Variants in CPLX1 observed in about 807,000 individuals in gnomAD.
CPLX1 encodes the protein complexin-1.
Under a neutral mutation model 15.6 loss-of-function variants are expected in CPLX1, and 6 were observed. The observed-to-expected ratio is 0.39, with a 90% CI of 0.21 to 0.76. The LOEUF is 0.76. Among genes scored for constraint, CPLX1 ranks in the 30% least tolerant of loss-of-function variants. The probability of loss-of-function intolerance (pLI) is 0.43; values close to 1 mark genes in which losing one functional copy is unlikely to be tolerated. For missense variants in CPLX1, 242 were observed against 188.6 expected, an observed-to-expected ratio of 1.28 and a Z score of -1.66; for synonymous variants, 91 against 75.2, an observed-to-expected ratio of 1.21 and a Z score of -1.08.
intron 2 of CPLX1, among the ~76,000 whole-genome samples, chr4:808,911 G>GA (rs547838589): frequency 2.4e-4 from 36 of 152,250 alleles, no homozygotes; most frequent in Non-Finnish European, 4.6e-4. Flanking sequence ...TTGGAACGGA[G>GA]AAAAAGAAGG....
In CPLX1 at chr4:786,584, C is replaced by G. The variant is rs1060499735; in HGVS notation, c.322G>C (p.Glu108Gln). ...ATGCTCTCGTCCTCCTCCTCCACCT[C>G]GTCCCCGCAGCCCGGCGGGATGGCC... ...KKAIPPGCGD[E>Q]VEEEDESILD... Residue 108 changes from glutamate to glutamine, a missense_variant, in exon 4 of 4, where the codon GAG becomes CAG. Coordinates refer to ENST00000304062, the MANE Select transcript of CPLX1 (RefSeq NM_006651.4). The G allele has an allele frequency of 1.9e-6, 3 of 1,610,902 alleles. No homozygotes were observed. Among genetic ancestry groups the G allele is most frequent in the Middle Eastern group, 1.7e-4 (1 of 6,054 alleles).
intron 3 of CPLX1, among the ~76,000 whole-genome samples, chr4:791,695 T>TC: frequency 6.6e-6 from 1 of 152,238 alleles, no homozygotes; most frequent in Admixed American, 6.5e-5. Context: ...AAACACAGCT[T>TC]CCGGCCTGCT....
At chr4:811,027 C>A (rs189498935) in intron 2 of CPLX1, among the ~76,000 whole-genome samples, 5 of 151,462 alleles carry the variant, frequency 3.3e-5, no homozygotes, top group Non-Finnish European at 7.4e-5. Flanking sequence ...AGAGGTGGGA[C>A]CTTGCTCTGT....
In CPLX1 at chr4:786,533, G is replaced by A; in HGVS notation, c.373C>T (p.Pro125Ser). The A allele has an allele frequency of 6.2e-7, 1 of 1,604,356 alleles. No individual in the cohort carries two copies. The highest frequency in any genetic ancestry group is 1.1e-5 in the South Asian group (1 of 89,592). Residue 125 changes from proline (P) to serine (S), a missense_variant, in exon 4 of 4, where the codon CCC becomes TCC. Transcript: ENST00000304062. Reference sequence around the variant, plus strand: ...TTGAGCATGTCCTGCAGCGGCCCGGGCAGGTACTTGATGACGGTGTCCAGG... The same window carrying A: ...TTGAGCATGTCCTGCAGCGGCCCGGACAGGTACTTGATGACGGTGTCCAGG... ...SILDTVIKYL[P>S]GPLQDMLKK
intron 3 of CPLX1, chr4:787,442 G>T (rs1039449103): frequency 1.1e-6 from 1 of 936,946 alleles, no homozygotes; most frequent in Non-Finnish European, 1.3e-6. Flanking sequence ...GATCTCATTC[G>T]GAAACAGGTC....
At position 800,198 on chromosome 4, in the gene CPLX1, T is replaced by C. The variant is rs1746423578; in HGVS notation, c.32-7590A>G. Reference sequence around the variant, plus strand: ...ACCTTCATACATTTGGTCACAGACATCTTCTGTGTTGATTATCCTTGTGGA... The same window carrying C: ...ACCTTCATACATTTGGTCACAGACACCTTCTGTGTTGATTATCCTTGTGGA... On this transcript the variant is annotated intron_variant, in intron 2 of 3. Transcript: ENST00000304062. Among the ~76,000 whole-genome samples, 3 of 152,216 alleles carry C rather than the reference T, an allele frequency of 2.0e-5. No homozygotes were observed. In the South Asian group the frequency reaches 6.2e-4, roughly 31 times the overall value.
At chr4:824,711 A>G in intron 1 of CPLX1, 110 bp from the exon 2 acceptor site, 1 of 718,816 alleles carries the variant, frequency 1.4e-6, no homozygotes, top group Non-Finnish European at 2.5e-6. Context: ...ACCCTCCCCC[A>G]CCTGGAGCGG....
intron 3 of CPLX1, among the ~76,000 whole-genome samples, chr4:789,898 CGCCTG>C (rs1746116074): frequency 1.3e-5 from 1 of 76,572 alleles, no homozygotes; most frequent in African/African-American, 8.5e-5. Context: ...CAGGTGGCCA[CGCCTG>C]AGGGCAGGGT....
intron 2 of CPLX1, among the ~76,000 whole-genome samples, chr4:805,364 A>G (rs969989158): frequency 6.6e-6 from 1 of 152,212 alleles, no homozygotes; most frequent in Non-Finnish European, 1.5e-5. Flanking sequence ...CTCTCATGGA[A>G]TGCTTACAAG....
intron 2 of CPLX1, among the ~76,000 whole-genome samples, chr4:807,016 T>C (rs942066244): frequency 3.3e-5 from 5 of 152,300 alleles, no homozygotes; most frequent in African/African-American, 9.6e-5. Flanking sequence ...TTTTAAGATA[T>C]ATGTACGTGT....
At chr4:824,312 C>T (rs1746932255) in intron 2 of CPLX1, among the ~76,000 whole-genome samples, 180 bp downstream of exon 2, 1 of 152,226 alleles carries the variant, frequency 6.6e-6, no homozygotes, top group Non-Finnish European at 1.5e-5. Flanking sequence ...CGAAAAGGGC[C>T]GGGCTGGGGG....
intron 3 of CPLX1, among the ~76,000 whole-genome samples, chr4:791,009 G>A (rs1217466746): frequency 6.6e-6 from 1 of 151,188 alleles, no homozygotes; most frequent in East Asian, 1.9e-4. Context: ...TTATCTCTGT[G>A]TCTCTGTTCC....
rs1746032106 is a variant in CPLX1, at chr4:787,374, C to G, written c.208-676G>C. 9.1e-6 allele frequency: 9 copies of G among 985,256 alleles called. No individual in the cohort carries two copies. The South Asian group carries it at 1.4e-4, about 15-fold the overall frequency. 61.0% of individuals were successfully genotyped at this position (985,256 alleles called of 1,614,324 possible). The stretch of plus-strand genomic sequence containing the variant: ...CTCATCTCCCGTGAGTGCGTCTGCC[C>G]TCCGTAGTAGCTGAATATTGTCCCC... On this transcript the variant is annotated intron_variant, in intron 3 of 3. Coordinates refer to ENST00000304062, the MANE Select transcript of CPLX1 (RefSeq NM_006651.4).
intron 2 of CPLX1, among the ~76,000 whole-genome samples, chr4:800,935 T>G (rs1746444480): frequency 6.6e-6 from 1 of 151,660 alleles, no homozygotes; most frequent in African/African-American, 2.4e-5. Context: ...GAGAATTATT[T>G]GAACCCTGGA....
At chr4:818,893 C>T (rs1277703811) in intron 2 of CPLX1, among the ~76,000 whole-genome samples, 1 of 152,224 alleles carries the variant, frequency 6.6e-6, no homozygotes, top group African/African-American at 2.4e-5. Context: ...GAGGGTGGGG[C>T]CTCGCCTCAT....
chr4:803,373 G>A (rs576871714), intron 2 of CPLX1, among the ~76,000 whole-genome samples: 11 of 152,068 alleles, frequency 7.2e-5, no homozygotes, highest in Non-Finnish European at 1.2e-4. Flanking sequence ...CGACAGCACC[G>A]AATTCTCACG....
chr4:794,060 C>T (rs1053213410), intron 2 of CPLX1, among the ~76,000 whole-genome samples: 2 of 152,232 alleles, frequency 1.3e-5, no homozygotes, highest in East Asian at 3.9e-4. Context: ...CCTGGGGCGA[C>T]GCCCTCGCCT....
At chr4:815,408 C>G (rs1171413794) in intron 2 of CPLX1, among the ~76,000 whole-genome samples, 6 of 32,750 alleles carry the variant, frequency 1.8e-4, no homozygotes, top group South Asian at 1.5e-3. Context: ...AAGACTCCGT[C>G]TCAAAAAAAA....
intron 2 of CPLX1, among the ~76,000 whole-genome samples, chr4:815,534 G>A (rs1021795365): frequency 2.6e-5 from 4 of 152,212 alleles, no homozygotes; most frequent in African/African-American, 9.7e-5. Context: ...GGGCATGGGG[G>A]CAGGTTTGTA....
Sources: allele counts gnomAD v4.1 joint callset (sites outside exome capture counted in the v4.1 genomes callset), GRCh38; gene constraint gnomAD v4.1.1; transcripts MANE v1.5; gene names NCBI Gene and HGNC (gene_info 2026-07-23, HGNC 2026-07-21).